Variants in PTPRG observed in about 807,000 individuals in gnomAD.
PTPRG encodes the protein protein tyrosine phosphatase receptor type G.
PTPRG carries 102 observed loss-of-function variants against 165.3 expected under a neutral mutation model. The ratio of observed to expected loss-of-function variants is 0.62; its 90% confidence interval spans 0.53 to 0.73. The LOEUF (loss-of-function observed/expected upper bound fraction) is 0.73, where lower values mean the gene tolerates loss of function less well. PTPRG is among the 30% of genes least tolerant of loss of function. PTPRG has a pLI of 0.00. For missense variants in PTPRG, 1,866 were observed against 1,861.4 expected (o/e 1.00, Z -0.05); for synonymous variants, 675 against 669.5 (o/e 1.01, Z -0.13).
intron 4 of PTPRG, among the ~76,000 whole-genome samples, chr3:62,065,400 A>T (rs902056835): frequency 1.3e-5 from 2 of 152,158 alleles, no homozygotes; most frequent in African/African-American, 2.4e-5. Flanking sequence ...GAACCATAGA[A>T]ATCTGTCTGA....
chr3:62,256,720 A>C (rs1221452707), intron 16 of PTPRG, among the ~76,000 whole-genome samples: 1 of 152,226 alleles, frequency 6.6e-6, no homozygotes, highest in African/African-American at 2.4e-5. Context: ...GAATTTGATC[A>C]GGATGATCAA....
chr3:62,276,747 A>G, intron 24 of PTPRG: 1 of 517,038 alleles, frequency 1.9e-6, no homozygotes. Context: ...TCCCACAGTA[A>G]AACTGTATTC....
chr3:62,156,226 C>A (rs929112134), intron 6 of PTPRG, among the ~76,000 whole-genome samples: 1 of 152,190 alleles, frequency 6.6e-6, no homozygotes, highest in African/African-American at 2.4e-5. Context: ...ACCTGGCTAA[C>A]CTCAGTGCCT....
At chr3:61,736,150 C>G (rs928776026) in intron 1 of PTPRG, among the ~76,000 whole-genome samples, 2 of 151,848 alleles carry the variant, frequency 1.3e-5, no homozygotes, top group African/African-American at 4.8e-5. Flanking sequence ...TCAGGCAATC[C>G]GCCTGCCTCA....
At chr3:61,916,061 A>G (rs183725327) in intron 2 of PTPRG, among the ~76,000 whole-genome samples, 1 of 152,344 alleles carries the variant, frequency 6.6e-6, no homozygotes, top group Admixed American at 6.5e-5. Context: ...ATTAAATTAG[A>G]TATGAATCTT....
At position 62,188,787 on chromosome 3, in the gene PTPRG, G is replaced by A. The variant is rs1699727964; in HGVS notation, c.1034-2682G>A. Among the ~76,000 whole-genome samples the A allele has an allele frequency of 2.6e-5, 4 of 152,160 alleles. No homozygotes were observed. The South Asian group carries it at 6.2e-4, about 24-fold the overall frequency. ...GGGGAATGAATGCTTTCAGAATGAG[G>A]AAGATAAATAAGAACATGGTGGGAG... On this transcript the variant is annotated intron_variant, in intron 8 of 29. Transcript: ENST00000474889.
At chr3:62,023,905 G>A (rs13063565) in intron 4 of PTPRG, among the ~76,000 whole-genome samples, 66,818 of 151,752 alleles carry the variant, frequency 0.44, 15,316 homozygotes, top group East Asian at 0.61. Context: ...TGGTGTTATT[G>A]TCCACATTAT....
intron 2 of PTPRG, among the ~76,000 whole-genome samples, chr3:61,818,507 A>T (rs1181163003): frequency 6.6e-6 from 1 of 152,110 alleles, no homozygotes; most frequent in Non-Finnish European, 1.5e-5. Flanking sequence ...GTATAATGAA[A>T]AAGTTGTTTA....
At chr3:61,759,245 G>C (rs1311633621) in intron 2 of PTPRG, among the ~76,000 whole-genome samples, 2 of 152,186 alleles carry the variant, frequency 1.3e-5, no homozygotes, top group Non-Finnish European at 2.9e-5. Flanking sequence ...CTGATAACTT[G>C]TGTAGGTTAA....
At chr3:61,878,833 C>T (rs1363860759) in intron 2 of PTPRG, among the ~76,000 whole-genome samples, 1 of 152,036 alleles carries the variant, frequency 6.6e-6, no homozygotes, top group Non-Finnish European at 1.5e-5. Context: ...ATAGAACCGT[C>T]CTATATTTTT....
chr3:62,024,074 T>C (rs967374784), intron 4 of PTPRG, among the ~76,000 whole-genome samples: 4 of 152,188 alleles, frequency 2.6e-5, no homozygotes, highest in Non-Finnish European at 5.9e-5. Context: ...AGTGTCTGTT[T>C]AGTGTAGTTT....
intron 4 of PTPRG, among the ~76,000 whole-genome samples, chr3:62,061,019 G>A (rs1385655683): frequency 2.6e-5 from 4 of 152,170 alleles, no homozygotes; most frequent in Admixed American, 2.6e-4. Flanking sequence ...GAACGTGTCT[G>A]TATCCTTCTG....
intron 2 of PTPRG, among the ~76,000 whole-genome samples, chr3:61,860,144 G>A (rs1172495393): frequency 1.3e-5 from 2 of 152,194 alleles, no homozygotes; most frequent in Non-Finnish European, 2.9e-5. Flanking sequence ...AGGAAATATT[G>A]TATGTACATT....
intron 2 of PTPRG, among the ~76,000 whole-genome samples, chr3:61,767,239 T>TGGAAAAAAAA (rs1371380259): frequency 5.5e-5 from 4 of 73,080 alleles, no homozygotes; most frequent in African/African-American, 1.9e-4. Context: ...AGATTCCATC[T>TGGAAAAAAAA]CAAAAAAAAA....
At chr3:61,902,027 GGTACTCTATT>G (rs1440741868) in intron 2 of PTPRG, among the ~76,000 whole-genome samples, 1 of 152,194 alleles carries the variant, frequency 6.6e-6, no homozygotes, top group African/African-American at 2.4e-5. Context: ...TGGATGGGAA[GGTACTCTATT>G]GTCCTACCAG....
At chr3:61,838,100 G>A (rs1183609353) in intron 2 of PTPRG, among the ~76,000 whole-genome samples, 1 of 152,190 alleles carries the variant, frequency 6.6e-6, no homozygotes, top group Admixed American at 6.5e-5. Flanking sequence ...CACAACACCG[G>A]GATGGTTAAA....
intron 1 of PTPRG, among the ~76,000 whole-genome samples, chr3:61,675,060 G>A (rs1703176096): frequency 6.6e-6 from 1 of 152,188 alleles, no homozygotes; most frequent in Non-Finnish European, 1.5e-5. Context: ...TACCACAGAT[G>A]TCTGTCACTC....
chr3:61,572,392 G>A (rs1700076476), intron 1 of PTPRG, among the ~76,000 whole-genome samples: 1 of 152,262 alleles, frequency 6.6e-6, no homozygotes, highest in African/African-American at 2.4e-5. Context: ...GGGGGCAGAC[G>A]TCTTTGTCTA....
intron 1 of PTPRG, among the ~76,000 whole-genome samples, chr3:61,574,908 G>A (rs1030133509): frequency 1.3e-5 from 2 of 152,052 alleles, no homozygotes; most frequent in South Asian, 2.1e-4. Context: ...GAAGTGACTC[G>A]GGCTTGCCAG....
Sources: gnomAD v4.1 joint callset for allele counts (sites outside exome capture counted in the v4.1 genomes callset) on GRCh38, gnomAD v4.1.1 for gene constraint, MANE v1.5 for transcripts, NCBI Gene and HGNC (gene_info 2026-07-23, HGNC 2026-07-21) for gene names.